The following SDK1 variants were observed in gnomAD, a reference collection of about 807,000 sequenced individuals.
SDK1 encodes protein sidekick-1.
A neutral mutation model predicts 245.5 loss-of-function variants in SDK1; 157 were observed. The ratio of observed to expected loss-of-function variants is 0.64; its 90% confidence interval spans 0.56 to 0.73. SDK1 has a LOEUF of 0.73. Ranked by LOEUF, SDK1 falls within the 30% of genes least tolerant of loss-of-function variation. SDK1 has a pLI of 0.00. For synonymous variants in SDK1, 1,647 were observed against 1,278.5 expected (o/e 1.29, Z -6.15); for missense variants, 3,583 against 3,002.3 (o/e 1.19, Z -4.52).
At chr7:3,780,023 C>T (rs557544529) in intron 4 of SDK1, among the ~76,000 whole-genome samples, 2 of 152,066 alleles carry the variant, frequency 1.3e-5, no homozygotes, top group Admixed American at 1.3e-4. Context: ...ACTCCCCTGA[C>T]CCCCACACAC....
intron 26 of SDK1, among the ~76,000 whole-genome samples, chr7:4,129,066 A>G (rs1322913022): frequency 0.012 from 545 of 45,302 alleles, no homozygotes; most frequent in Middle Eastern, 0.043. Flanking sequence ...CTTGGGGTGG[A>G]GTCCCCTGGA....
At chr7:3,520,162 G>A (rs1782887043) in intron 1 of SDK1, among the ~76,000 whole-genome samples, 1 of 152,132 alleles carries the variant, frequency 6.6e-6, no homozygotes. Flanking sequence ...CCTTCCTCTG[G>A]GGGTTACATG....
At chr7:3,759,600 A>T in intron 4 of SDK1, among the ~76,000 whole-genome samples, 1 of 148,102 alleles carries the variant, frequency 6.8e-6, no homozygotes, top group Admixed American at 6.7e-5. Flanking sequence ...TATTATTATT[A>T]TTATTATTAT....
At chr7:3,499,366 T>A (rs919985214) in intron 1 of SDK1, among the ~76,000 whole-genome samples, 2 of 150,362 alleles carry the variant, frequency 1.3e-5, no homozygotes, top group African/African-American at 2.5e-5. Flanking sequence ...TTTTGTGTGT[T>A]TTTTTTAATT....
rs184684775 is a variant in SDK1 at position 3,724,033 on chromosome 7, G to A, written c.713+81928G>A. 3.5e-3 allele frequency among the ~76,000 whole-genome samples: 531 copies of A among 149,988 alleles called. 9 individuals are homozygous for A. Among genetic ancestry groups the A allele is most frequent in the African/African-American group, 0.012 (493 of 40,718 alleles). On this transcript the variant is annotated intron_variant, in intron 4 of 44. Transcript: ENST00000404826. Reference sequence around the variant, plus strand: ...GGCTGGAGTACAGTGGTGTGATCTCGGCTCACTGCAACCTCCGCCTCCCGG... The same window carrying A: ...GGCTGGAGTACAGTGGTGTGATCTCAGCTCACTGCAACCTCCGCCTCCCGG...
chr7:3,674,543 A>G (rs1783828246), intron 4 of SDK1, among the ~76,000 whole-genome samples: 1 of 152,146 alleles, frequency 6.6e-6, no homozygotes, highest in Admixed American at 6.5e-5. Flanking sequence ...TTGGTGAGGG[A>G]TGTAGTGTGG....
At chr7:3,952,182 G>A (rs988166965) in intron 7 of SDK1, 29 of 483,460 alleles carry the variant, frequency 6.0e-5, no homozygotes, top group Admixed American at 2.0e-4. Flanking sequence ...GAAATAGAGC[G>A]GTGAAACCCC....
intron 1 of SDK1, among the ~76,000 whole-genome samples, chr7:3,608,147 A>C (rs749978373): frequency 6.6e-6 from 1 of 152,346 alleles, no homozygotes; most frequent in South Asian, 2.1e-4. Flanking sequence ...TAAAAACCAA[A>C]ATCTAGCTCT....
At chr7:4,024,804 A>G (rs550516836) in intron 17 of SDK1, among the ~76,000 whole-genome samples, 2 of 152,226 alleles carry the variant, frequency 1.3e-5, no homozygotes, top group African/African-American at 4.8e-5. Context: ...ATCATCTGCC[A>G]TTACTACAGT....
chr7:3,616,571 A>C (rs746792558), intron 1 of SDK1, among the ~76,000 whole-genome samples: 2 of 152,194 alleles, frequency 1.3e-5, no homozygotes, highest in Non-Finnish European at 2.9e-5. Context: ...CGACTAGGTT[A>C]AATCTCCTAC....
At chr7:3,367,573 C>A (rs1482954248) in intron 1 of SDK1, among the ~76,000 whole-genome samples, 2 of 152,170 alleles carry the variant, frequency 1.3e-5, no homozygotes, top group Admixed American at 6.5e-5. Context: ...TGTAGAGTTG[C>A]ATTTATGCTC....
chr7:3,514,885 C>G (rs780991437), intron 1 of SDK1, among the ~76,000 whole-genome samples: 1 of 152,140 alleles, frequency 6.6e-6, no homozygotes, highest in Non-Finnish European at 1.5e-5. Flanking sequence ...TGCGTGCGCT[C>G]TCTCTCTCTT....
At chr7:3,342,964 A>G (rs1220368238) in intron 1 of SDK1, among the ~76,000 whole-genome samples, 2 of 151,354 alleles carry the variant, frequency 1.3e-5, no homozygotes, top group African/African-American at 2.4e-5. Context: ...GGGAAATGGA[A>G]ATTAAAGCCA....
intron 14 of SDK1, among the ~76,000 whole-genome samples, chr7:3,996,594 G>A (rs1562640816): frequency 6.6e-6 from 1 of 152,124 alleles, no homozygotes; most frequent in African/African-American, 2.4e-5. Context: ...CTGAGATTTT[G>A]ACTCATTGCT....
chr7:3,604,941 C>G (rs1781374158), intron 1 of SDK1, among the ~76,000 whole-genome samples: 1 of 152,030 alleles, frequency 6.6e-6, no homozygotes, highest in Admixed American at 6.6e-5. Flanking sequence ...TTTAAAAATT[C>G]TGTCATTCAG....
intron 4 of SDK1, among the ~76,000 whole-genome samples, chr7:3,774,005 G>A (rs1562433264): frequency 6.6e-6 from 1 of 152,038 alleles, no homozygotes; most frequent in African/African-American, 2.4e-5. Context: ...ACGAGGTCAG[G>A]AGATCGAGAT....
chr7:4,105,260 G>A (rs1782825268), intron 22 of SDK1, among the ~76,000 whole-genome samples: 1 of 152,084 alleles, frequency 6.6e-6, no homozygotes, highest in Non-Finnish European at 1.5e-5. Context: ...TGGGATTACA[G>A]GTGTGAGCCA....
At chr7:3,411,985 AT>A (rs1231646862) in intron 1 of SDK1, among the ~76,000 whole-genome samples, 3 of 152,208 alleles carry the variant, frequency 2.0e-5, no homozygotes, top group Non-Finnish European at 4.4e-5. Flanking sequence ...AGAAAAGGAG[AT>A]TTGATTTCCA....
intron 22 of SDK1, among the ~76,000 whole-genome samples, chr7:4,081,751 T>C (rs1400010994): frequency 6.6e-6 from 1 of 152,126 alleles, no homozygotes. Flanking sequence ...ATGTAAAACA[T>C]CTTAAATATA....
Sources: allele counts gnomAD v4.1 joint callset (sites outside exome capture counted in the v4.1 genomes callset), GRCh38; gene constraint gnomAD v4.1.1; transcripts MANE v1.5; gene names NCBI Gene and HGNC (gene_info 2026-07-23, HGNC 2026-07-21).